The following COL6A2 variants were observed in gnomAD, a reference collection of about 807,000 sequenced individuals.
COL6A2 encodes the protein collagen type VI alpha 2 chain, also known as collagen alpha-2(VI) chain.
COL6A2 carries 90 observed loss-of-function variants against 124.9 expected under a neutral mutation model. The ratio of observed to expected loss-of-function variants is 0.72; its 90% confidence interval spans 0.61 to 0.86. The LOEUF is 0.86. COL6A2 is among the 40% of genes least tolerant of loss of function. The probability of loss-of-function intolerance (pLI) is 0.00; values close to 1 mark genes in which losing one functional copy is unlikely to be tolerated. For synonymous variants in COL6A2, 793 were observed against 618.2 expected, an observed-to-expected ratio of 1.28 and a Z score of -4.19; for missense variants, 1,607 against 1,502.5, an observed-to-expected ratio of 1.07 and a Z score of -1.15.
intron 27 of COL6A2, chr21:46,129,729 T>C: frequency 1.4e-6 from 2 of 1,387,678 alleles, no homozygotes; most frequent in Non-Finnish European, 1.9e-6. Flanking sequence ...GCCGCTCTCT[T>C]TATAAGAACC....
In COL6A2 at chr21:46,121,166, G is replaced by A. The variant is rs202112105; in HGVS notation, c.1458+43G>A. 4.4e-6 allele frequency: 7 copies of A among 1,588,392 alleles called. No homozygotes were observed. In the East Asian group the frequency reaches 8.9e-5, roughly 20 times the overall value. On this transcript the variant is annotated intron_variant, in intron 17 of 27. Transcript: ENST00000300527. ...AGGCCGGTGCCCTCTGACCCCACGG[G>A]TGGGTCTCCCCTATCCATGTGGGGA...
chr21:46,130,025 T>G (rs1337968853), intron 27 of COL6A2, among the ~76,000 whole-genome samples: 1 of 151,986 alleles, frequency 6.6e-6, no homozygotes, highest in Non-Finnish European at 1.5e-5. Flanking sequence ...CCTCGCTGGG[T>G]GTGGGCACTA....
chr21:46,100,734 C>T (rs1208954450), intron 1 of COL6A2, among the ~76,000 whole-genome samples: 1 of 152,216 alleles, frequency 6.6e-6, no homozygotes, highest in Admixed American at 6.5e-5. Flanking sequence ...TCAGCATTCC[C>T]TTCCTTTGTA....
intron 27 of COL6A2, among the ~76,000 whole-genome samples, chr21:46,129,997 G>A (rs771650886): frequency 1.3e-5 from 2 of 152,260 alleles, no homozygotes; most frequent in Non-Finnish European, 2.9e-5. Context: ...TCGGAAACAG[G>A]CCCCAGAGGC....
Position 46,125,574 on chromosome 21 carries a change from C to T in COL6A2, c.1926C>T (p.Val642=). ...TLEKNFVINV[V]NRLGAIAKDP... Reference sequence around the variant, plus strand: ...AGAAGAACTTCGTCATCAACGTGGTCAACAGGCTGGGTGCCATCGCTAAGG... The same window carrying T: ...AGAAGAACTTCGTCATCAACGTGGTTAACAGGCTGGGTGCCATCGCTAAGG... Residue 642 remains valine (V), a synonymous_variant, in exon 25 of 28, where the codon GTC becomes GTT. Transcript: ENST00000300527. 1.9e-6 allele frequency: 3 copies of T among 1,608,620 alleles called. No individual in the cohort carries two copies. The highest frequency in any genetic ancestry group is 2.2e-5 in the East Asian group (1 of 44,494).
At chr21:46,126,954 C>G (rs1601253714) in intron 27 of COL6A2, among the ~76,000 whole-genome samples, 1 of 152,286 alleles carries the variant, frequency 6.6e-6, no homozygotes, top group East Asian at 1.9e-4. Context: ...CTGACACCCC[C>G]CAGCACCAGC....
At position 46,120,513 on chromosome 21, in the gene COL6A2, A is replaced by AG. The variant is rs1168245071; in HGVS notation, c.1336dup. The AG allele has an allele frequency of 6.6e-7, 1 of 1,509,742 alleles. No individual in the cohort carries two copies. Among genetic ancestry groups the AG allele is most frequent in the Non-Finnish European group, 8.8e-7 (1 of 1,131,502 alleles). 93.5% of individuals were successfully genotyped at this position (1,509,742 alleles called of 1,614,324 possible). On this transcript the variant is annotated splice_acceptor_variant, in intron 15 of 27. Coordinates refer to ENST00000300527, the MANE Select transcript of COL6A2 (RefSeq NM_001849.4). LOFTEE classifies it high-confidence loss of function. ...CGTGGGGCCTCCCTTCCCTTCCCACAGGGGGACCCTGGCCCTGAGGGGCCC... is the reference window on the plus strand; with the variant it reads ...CGTGGGGCCTCCCTTCCCTTCCCACAGGGGGGACCCTGGCCCTGAGGGGCCC...
chr21:46,112,742 G>A (rs915439117), intron 3 of COL6A2, 62 bp from the exon 4 acceptor site: 15 of 1,612,634 alleles, frequency 9.3e-6, no homozygotes, highest in Middle Eastern at 1.6e-4. Context: ...ACCCAGACTC[G>A]AGGTGCAGCC....
chr21:46,126,326 G>A lies in COL6A2; in HGVS notation c.2422+89G>A, dbSNP rs558167669. 18 of 1,544,108 alleles carry A rather than the reference G, an allele frequency of 1.2e-5. 1 individual carries two copies. In the South Asian group the frequency reaches 2.0e-4, roughly 17 times the overall value. On this transcript the variant is annotated intron_variant, in intron 26 of 27. Coordinates refer to ENST00000300527, the MANE Select transcript of COL6A2 (RefSeq NM_001849.4). ...AGCCCCAGGGACACCCCTCACCTGA[G>A]GGATGAATGTGCAGCCCAGGATCTT...
At chr21:46,127,104 C>T (rs972316713) in intron 27 of COL6A2, among the ~76,000 whole-genome samples, 2 of 152,112 alleles carry the variant, frequency 1.3e-5, no homozygotes, top group African/African-American at 4.8e-5. Flanking sequence ...CTCTGCTGGA[C>T]GTGGTGCTGC....
At chr21:46,118,989 C>A in intron 13 of COL6A2, 41 bp from the exon 14 acceptor site, 1 of 1,462,788 alleles carries the variant, frequency 6.8e-7, no homozygotes, top group Non-Finnish European at 9.6e-7. Flanking sequence ...TGCCTCAGGG[C>A]CCCTGCCTCT....
chr21:46,131,895 C>T (rs1384451731), intron 27 of COL6A2, 59 bp from the exon 28 acceptor site: 13 of 1,473,380 alleles, frequency 8.8e-6, no homozygotes, highest in African/African-American at 2.8e-5. Flanking sequence ...GCGGGGCTGG[C>T]ACCTGCCCGG....
rs1042618366 is a variant in COL6A2, at chr21:46,125,675, G to T, written c.1969+58G>T. The T allele has an allele frequency of 4.5e-5, 72 of 1,590,540 alleles. No homozygotes were observed. In the African/African-American group the frequency reaches 8.8e-4, roughly 20 times the overall value. On this transcript the variant is annotated intron_variant, in intron 25 of 27. Transcript: ENST00000300527. ...GGGGGCCGGGCGGGGCGTGGGAGGC[G>T]ATGAGATGGGAGAAGTCCAGACGCG...
intron 19 of COL6A2, 116 bp downstream of exon 19, chr21:46,122,274 C>T (rs2078579073): frequency 7.6e-7 from 1 of 1,307,350 alleles, no homozygotes; most frequent in African/African-American, 1.5e-5. Context: ...AGTGTGAGGT[C>T]CCTCCTGCGG....
intron 21 of COL6A2, 120 bp downstream of exon 21, chr21:46,123,057 C>T: frequency 1.1e-6 from 1 of 944,882 alleles, no homozygotes; most frequent in Admixed American, 1.9e-5. Context: ...CAGCCATGAG[C>T]ACCACCCCCA....
chr21:46,112,613 G>A (rs1272461357), intron 3 of COL6A2, 36 bp downstream of exon 3: 5 of 1,608,250 alleles, frequency 3.1e-6, no homozygotes, highest in Non-Finnish European at 4.2e-6. Context: ...CACGCGCCAG[G>A]GGTGGCCACG....
chr21:46,124,331 A>C (rs2078625808), intron 21 of COL6A2, among the ~76,000 whole-genome samples: 3 of 151,934 alleles, frequency 2.0e-5, no homozygotes, highest in African/African-American at 7.3e-5. Flanking sequence ...GTGGGCGTGG[A>C]GTTGGTGGGT....
At chr21:46,126,434 AG>A (rs1278805536) in intron 26 of COL6A2, 68 bp from the exon 27 acceptor site, 5 of 1,598,304 alleles carry the variant, frequency 3.1e-6, no homozygotes, top group Non-Finnish European at 4.3e-6. Context: ...TAGGCAGATC[AG>A]TGAACGGCCG....
intron 5 of COL6A2, among the ~76,000 whole-genome samples, 178 bp downstream of exon 5, chr21:46,114,251 C>T (rs1230159964): frequency 6.6e-6 from 1 of 152,012 alleles, no homozygotes; most frequent in Admixed American, 6.6e-5. Flanking sequence ...ATGGTGAAAC[C>T]CTGTCTCTAC....
Sources: gnomAD v4.1 joint callset for allele counts (sites outside exome capture counted in the v4.1 genomes callset) on GRCh38, gnomAD v4.1.1 for gene constraint, MANE v1.5 for transcripts, NCBI Gene and HGNC (gene_info 2026-07-23, HGNC 2026-07-21) for gene names.